Variants in UNC13C observed in about 807,000 individuals in gnomAD.
The protein encoded by UNC13C is protein unc-13 homolog C.
In UNC13C, 174 loss-of-function variants were observed where a neutral mutation model predicts 245.4. The observed-to-expected ratio is 0.71, with a 90% confidence interval of 0.63 to 0.80. The LOEUF is 0.80. Ranked by LOEUF, UNC13C falls within the 30% of genes least tolerant of loss-of-function variation. The pLI, the probability that UNC13C is intolerant of heterozygous loss-of-function variation, is 0.00. For missense variants in UNC13C, 2,829 were observed against 2,602.9 expected (o/e 1.09, Z -1.89); for synonymous variants, 992 against 895.1 (o/e 1.11, Z -1.93).
chr15:54,509,215 A>C (rs540462529), intron 23 of UNC13C, among the ~76,000 whole-genome samples: 1 of 152,206 alleles, frequency 6.6e-6, no homozygotes, highest in Non-Finnish European at 1.5e-5. Context: ...ACATACAAAC[A>C]AAAAAGATAT....
chr15:54,111,176 G>A (rs575135175), intron 2 of UNC13C, among the ~76,000 whole-genome samples: 1 of 152,262 alleles, frequency 6.6e-6, no homozygotes, highest in African/African-American at 2.4e-5. Context: ...TCCTGTTTAT[G>A]TAGTACAATA....
chr15:53,973,915 T>A (rs1325917013), upstream of UNC13C, among the ~76,000 whole-genome samples: 1 of 152,172 alleles, frequency 6.6e-6, no homozygotes. Context: ...AAATTACAGA[T>A]TGTGCCATTT....
intron 2 of UNC13C, among the ~76,000 whole-genome samples, chr15:54,079,000 T>C (rs1898787197): frequency 6.6e-6 from 1 of 152,116 alleles, no homozygotes; most frequent in Non-Finnish European, 1.5e-5. Context: ...TGGCGAGAGA[T>C]GGGGATCTAT....
intron 4 of UNC13C, among the ~76,000 whole-genome samples, chr15:54,193,560 C>A (rs534319611): frequency 2.0e-5 from 3 of 152,208 alleles, no homozygotes; most frequent in South Asian, 4.1e-4. Flanking sequence ...TCCCTCTGGT[C>A]CCACCTACCA....
intron 16 of UNC13C, among the ~76,000 whole-genome samples, chr15:54,337,265 A>G (rs142342783): frequency 8.4e-4 from 128 of 152,296 alleles, no homozygotes; most frequent in African/African-American, 2.8e-3. Flanking sequence ...TCTCTTCACT[A>G]TCCATACTCA....
intron 2 of UNC13C, among the ~76,000 whole-genome samples, chr15:54,113,584 T>C (rs982717614): frequency 1.3e-5 from 2 of 152,134 alleles, no homozygotes; most frequent in Non-Finnish European, 2.9e-5. Flanking sequence ...CCCAGCACTT[T>C]GGGAGGCCGA....
chr15:54,460,692 G>T (rs1331138933), intron 19 of UNC13C, among the ~76,000 whole-genome samples: 1 of 152,214 alleles, frequency 6.6e-6, no homozygotes, highest in African/African-American at 2.4e-5. Flanking sequence ...CAGTTGTCTT[G>T]CAGCATTTGC....
Position 54,537,916 on chromosome 15 carries a change from A to G in UNC13C, c.5696+4850A>G, listed in dbSNP as rs149416862. ...AAACCTAGGAAAAACCATTCTGGAC[A>G]TAGGCCCTGGCAGTTTTTATGATGA... On this transcript the variant is annotated intron_variant, in intron 26 of 32. Transcript: ENST00000260323. Among the ~76,000 whole-genome samples, 4 of 152,046 alleles carry G rather than the reference A, an allele frequency of 2.6e-5. No homozygotes were observed. In the East Asian group the frequency reaches 7.7e-4, roughly 29 times the overall value.
chr15:53,899,859 C>G, the UNC13C span, among the ~76,000 whole-genome samples: 2 of 152,104 alleles, frequency 1.3e-5, no homozygotes, highest in African/African-American at 4.8e-5. Flanking sequence ...GAGATGGTTC[C>G]TTTTTAGTTT....
At chr15:54,320,385 C>T (rs190082971) in intron 13 of UNC13C, among the ~76,000 whole-genome samples, 72 of 152,002 alleles carry the variant, frequency 4.7e-4, no homozygotes, top group Middle Eastern at 3.4e-3. Context: ...TGGCAAATTA[C>T]GTTCTTTTTT....
At chr15:54,232,405 C>T (rs919075840) in intron 4 of UNC13C, among the ~76,000 whole-genome samples, 1 of 152,116 alleles carries the variant, frequency 6.6e-6, no homozygotes, top group African/African-American at 2.4e-5. Context: ...GATATCTCTG[C>T]TCTGATGAGA....
At chr15:54,073,136 GT>G (rs1898415091) in intron 2 of UNC13C, among the ~76,000 whole-genome samples, 1 of 151,994 alleles carries the variant, frequency 6.6e-6, no homozygotes, top group South Asian at 2.1e-4. Flanking sequence ...GTGGTGTTTT[GT>G]TTTCTGTTCT....
At chr15:54,507,903 G>C (rs567910554) in intron 23 of UNC13C, among the ~76,000 whole-genome samples, 1 of 149,778 alleles carries the variant, frequency 6.7e-6, no homozygotes, top group East Asian at 2.0e-4. Flanking sequence ...TTAAAAAAAA[G>C]AAAAACCAGT....
intron 28 of UNC13C, among the ~76,000 whole-genome samples, chr15:54,552,909 ATAATATATATTGTATTCTAT>A (rs1296384411): frequency 0.021 from 241 of 11,574 alleles, 9 homozygotes; most frequent in Non-Finnish European, 0.023. Context: ...ATATTAATAT[ATAATATATATTGTATTCTAT>A]ATTACATTAT....
chr15:53,895,879 C>T, the UNC13C span, among the ~76,000 whole-genome samples: 7 of 152,058 alleles, frequency 4.6e-5, no homozygotes, highest in South Asian at 6.2e-4. Context: ...TAACAAAGAT[C>T]GGTCTCTTGT....
the UNC13C span, among the ~76,000 whole-genome samples, chr15:53,958,732 T>A: frequency 6.6e-6 from 1 of 152,140 alleles, no homozygotes; most frequent in Non-Finnish European, 1.5e-5. Context: ...GATACCCTTA[T>A]GCTATGTATA....
chr15:54,525,425 AAAGAAGAG>A, intron 24 of UNC13C, 116 bp from the exon 25 acceptor site: 1 of 583,140 alleles, frequency 1.7e-6, no homozygotes, highest in South Asian at 3.7e-5. Context: ...AAAAAAAAAA[AAAGAAGAG>A]AAAAAAGCTT....
rs1384132388 is a variant in UNC13C, at chr15:54,627,142, T to TATA, written c.*32_*34dup. On this transcript the variant is annotated 3_prime_UTR_variant, in exon 33 of 33. Transcript: ENST00000260323. ...AAACACTGCAAGCTAAATACATAAC[T>TATA]ATAATTGTTTGACTACTGCATGCAT... is the stretch of plus-strand genomic sequence containing the variant. The TATA allele has an allele frequency of 3.2e-6, 5 of 1,575,818 alleles. No homozygotes were observed. The African/African-American group carries it at 6.8e-5, about 21-fold the overall frequency.
the UNC13C span, among the ~76,000 whole-genome samples, chr15:53,925,472 A>G: frequency 6.6e-6 from 1 of 152,142 alleles, no homozygotes. Context: ...CTGGATTTGG[A>G]AGGACTTCTG....
Sources: gnomAD v4.1 joint callset for allele counts (sites outside exome capture counted in the v4.1 genomes callset) on GRCh38, gnomAD v4.1.1 for gene constraint, MANE v1.5 for transcripts, NCBI Gene and HGNC (gene_info 2026-07-23, HGNC 2026-07-21) for gene names.